NRXN3: variants seen among roughly 807,000 people sequenced by gnomAD.
NRXN3 encodes neurexin 3, also known as neurexin III.
In NRXN3, 32 loss-of-function variants were observed where a neutral mutation model predicts 137.6. The observed-to-expected ratio is 0.23, with a 90% CI of 0.18 to 0.31. The LOEUF (loss-of-function observed/expected upper bound fraction) is 0.31. Ranked by LOEUF, NRXN3 falls within the 10% of genes least tolerant of loss-of-function variation. The pLI, the probability that NRXN3 is intolerant of heterozygous loss-of-function variation, is 1.00. For synonymous variants in NRXN3, 798 were observed against 784.5 expected (o/e 1.02, Z -0.29); for missense variants, 1,574 against 2,062.5 (o/e 0.76, Z 4.59).
chr14:79,637,035 A>G (rs978080766), intron 16 of NRXN3, among the ~76,000 whole-genome samples: 1 of 152,168 alleles, frequency 6.6e-6, no homozygotes, highest in Non-Finnish European at 1.5e-5. Context: ...TTCTGTTTTA[A>G]TGGTACACAA....
chr14:78,630,983 C>A (rs1335388881), intron 4 of NRXN3, among the ~76,000 whole-genome samples: 1 of 152,164 alleles, frequency 6.6e-6, no homozygotes. Context: ...AAATCTAAGT[C>A]TGTGGACTGT....
At chr14:79,632,707 CAATA>C (rs941523383) in intron 16 of NRXN3, among the ~76,000 whole-genome samples, 1 of 152,106 alleles carries the variant, frequency 6.6e-6, no homozygotes, top group African/African-American at 2.4e-5. Flanking sequence ...GTTCTAGTCA[CAATA>C]TTAAGTATTT....
chr14:79,664,718 C>T (rs575682895), intron 17 of NRXN3, among the ~76,000 whole-genome samples: 1 of 152,232 alleles, frequency 6.6e-6, no homozygotes, highest in African/African-American at 2.4e-5. Flanking sequence ...CCTCTTGCCT[C>T]TCACTTCTCC....
intron 1 of NRXN3, among the ~76,000 whole-genome samples, chr14:78,183,272 C>G (rs889616734): frequency 3.3e-5 from 5 of 152,120 alleles, no homozygotes; most frequent in African/African-American, 1.2e-4. Flanking sequence ...CCTTTTTTCT[C>G]TCCTCTTCCC....
intron 15 of NRXN3, among the ~76,000 whole-genome samples, chr14:79,364,690 G>A (rs1194333360): frequency 6.6e-6 from 1 of 152,150 alleles, no homozygotes; most frequent in Non-Finnish European, 1.5e-5. Flanking sequence ...AATGCAAAGA[G>A]AGCCCTCAAA....
At chr14:79,537,344 G>T (rs541786903) in intron 16 of NRXN3, among the ~76,000 whole-genome samples, 1 of 151,882 alleles carries the variant, frequency 6.6e-6, no homozygotes. Flanking sequence ...CCAACGTGCA[G>T]GTTAGTTACA....
intron 15 of NRXN3, among the ~76,000 whole-genome samples, chr14:79,363,721 G>C (rs2093772713): frequency 6.6e-6 from 1 of 152,118 alleles, no homozygotes; most frequent in African/African-American, 2.4e-5. Context: ...AAACAGATTG[G>C]AAGAATGATA....
intron 14 of NRXN3, among the ~76,000 whole-genome samples, chr14:78,981,569 G>A (rs10136690): frequency 0.038 from 5,847 of 152,244 alleles, 364 homozygotes; most frequent in African/African-American, 0.13. Context: ...GATCTCCTAT[G>A]AGAAAATAAT....
intron 16 of NRXN3, among the ~76,000 whole-genome samples, chr14:79,659,520 G>A (rs1012158943): frequency 3.3e-5 from 5 of 152,076 alleles, no homozygotes; most frequent in South Asian, 2.1e-4. Flanking sequence ...TTCACAATAT[G>A]TCTTGATGAC....
At chr14:79,740,056 A>G (rs1210942154) in intron 19 of NRXN3, among the ~76,000 whole-genome samples, 1 of 152,004 alleles carries the variant, frequency 6.6e-6, no homozygotes, top group Non-Finnish European at 1.5e-5. Context: ...TGTTTTCTTT[A>G]CTAAAACTGC....
chr14:79,529,931 A>G (rs2097154968), intron 16 of NRXN3, among the ~76,000 whole-genome samples: 1 of 152,192 alleles, frequency 6.6e-6, no homozygotes, highest in Non-Finnish European at 1.5e-5. Flanking sequence ...CCGAACTCCA[A>G]GTAATTCATT....
intron 15 of NRXN3, among the ~76,000 whole-genome samples, chr14:79,400,686 A>G (rs1047625234): frequency 1.3e-5 from 2 of 152,194 alleles, no homozygotes; most frequent in African/African-American, 4.8e-5. Context: ...CCATTGTTCC[A>G]GATCTATATA....
intron 2 of NRXN3, among the ~76,000 whole-genome samples, chr14:78,245,789 G>A (rs1380966098): frequency 1.3e-5 from 2 of 152,084 alleles, no homozygotes; most frequent in Non-Finnish European, 2.9e-5. Context: ...CCTTCCTGTG[G>A]GTGGGCTGTC....
intron 15 of NRXN3, among the ~76,000 whole-genome samples, chr14:79,053,828 G>A (rs2099646973): frequency 6.6e-6 from 1 of 151,986 alleles, no homozygotes; most frequent in South Asian, 2.1e-4. Context: ...ATATGAAGTT[G>A]GAATGGGATG....
rs2097952785 is a variant in NRXN3, at chr14:79,603,413, C to T, written c.3445-60365C>T. 2.6e-5 allele frequency among the ~76,000 whole-genome samples: 4 copies of T among 152,166 alleles called. No homozygotes were observed. The South Asian group carries it at 8.3e-4, about 32-fold the overall frequency. On this transcript the variant is annotated intron_variant, in intron 16 of 20. Coordinates refer to ENST00000335750, the MANE Select transcript of NRXN3 (RefSeq NM_001330195.2). Reference sequence around the variant, plus strand: ...CCTGCATATCTTCTGGCCTTATAGACCTCTGTGCCTTTATCTATGTCGTTC... The same window carrying T: ...CCTGCATATCTTCTGGCCTTATAGATCTCTGTGCCTTTATCTATGTCGTTC...
At chr14:79,589,434 G>A (rs534675215) in intron 16 of NRXN3, among the ~76,000 whole-genome samples, 65 of 148,164 alleles carry the variant, frequency 4.4e-4, no homozygotes, top group Admixed American at 6.1e-4. Context: ...TTTATCCAAG[G>A]CTTATTCCAT....
chr14:78,567,357 CTG>C (rs1273651950), intron 4 of NRXN3, among the ~76,000 whole-genome samples: 1 of 152,240 alleles, frequency 6.6e-6, no homozygotes, highest in Non-Finnish European at 1.5e-5. Flanking sequence ...TGCCAGTAAA[CTG>C]TGCTCAGCTG....
At chr14:78,294,535 A>AACAGAGTG (rs2076120268) in intron 3 of NRXN3, among the ~76,000 whole-genome samples, 1 of 140,370 alleles carries the variant, frequency 7.1e-6, no homozygotes, top group Non-Finnish European at 1.5e-5. Context: ...TAGCCTGGGC[A>AACAGAGTG]ACAGAGTGAG....
At chr14:79,437,949 T>C (rs1270590610) in intron 15 of NRXN3, among the ~76,000 whole-genome samples, 2 of 152,230 alleles carry the variant, frequency 1.3e-5, no homozygotes, top group African/African-American at 2.4e-5. Context: ...CAGATAATAT[T>C]GGTGATCTCA....
Sources: gnomAD v4.1 joint callset for allele counts (sites outside exome capture counted in the v4.1 genomes callset) on GRCh38, gnomAD v4.1.1 for gene constraint, MANE v1.5 for transcripts, NCBI Gene and HGNC (gene_info 2026-07-23, HGNC 2026-07-21) for gene names.